The following FMNL2 variants were observed in gnomAD, a reference collection of about 807,000 sequenced individuals.
FMNL2 encodes formin-like protein 2.
In FMNL2, 51 loss-of-function variants were observed where a neutral mutation model predicts 130.2. That is an observed-to-expected ratio of 0.39 (90% confidence interval 0.31 to 0.49). The LOEUF is 0.49. FMNL2 is among the 20% of genes least tolerant of loss of function. FMNL2 has a pLI of 0.85. For synonymous variants in FMNL2, 465 were observed against 467.1 expected, an observed-to-expected ratio of 1.00 and a Z score of 0.06; for missense variants, 977 against 1,316.2, an observed-to-expected ratio of 0.74 and a Z score of 3.99.
intron 1 of FMNL2, among the ~76,000 whole-genome samples, chr2:152,452,971 A>T: frequency 6.6e-6 from 1 of 152,160 alleles, no homozygotes; most frequent in East Asian, 1.9e-4. Context: ...TGGGAGGCCA[A>T]GGTGGGTGGA....
intron 1 of FMNL2, among the ~76,000 whole-genome samples, chr2:152,382,222 C>T (rs1240781953): frequency 6.6e-6 from 1 of 152,120 alleles, no homozygotes; most frequent in Non-Finnish European, 1.5e-5. Flanking sequence ...CCCAAAGAAC[C>T]AACTCACTCG....
At chr2:152,451,745 T>A (rs1448752371) in intron 1 of FMNL2, among the ~76,000 whole-genome samples, 38 of 152,142 alleles carry the variant, frequency 2.5e-4, no homozygotes, top group Admixed American at 2.5e-3. Context: ...TACATTAACA[T>A]AATTAGGTGG....
At chr2:152,593,858 AGAGTGTGTGTGT>A (rs1300399692) in intron 9 of FMNL2, among the ~76,000 whole-genome samples, 6 of 101,516 alleles carry the variant, frequency 5.9e-5, no homozygotes, top group African/African-American at 2.6e-4. Flanking sequence ...AGAGAGAGAG[AGAGTGTGTGTGT>A]GTGTGTGTGT....
rs189492064 is a variant in FMNL2 at position 152,458,395 on chromosome 2, G to A, written c.118-63548G>A. On this transcript the variant is annotated intron_variant, in intron 1 of 25. Transcript: ENST00000288670. ...TTCTGGTTGGATGTGTTTACTCACT[G>A]TTGCCCTTCATTCCCTGTTCTGTTG... Among the ~76,000 whole-genome samples the A allele has an allele frequency of 4.6e-4, 70 of 152,242 alleles. 1 individual carries two copies. In the South Asian group the frequency reaches 9.7e-3, roughly 21 times the overall value.
intron 1 of FMNL2, among the ~76,000 whole-genome samples, chr2:152,465,197 C>G (rs894978069): frequency 6.6e-6 from 1 of 152,230 alleles, no homozygotes; most frequent in African/African-American, 2.4e-5. Context: ...TCCCCTCTGA[C>G]TAGTGGGACA....
chr2:152,552,456 G>A (rs1178399947), intron 4 of FMNL2, among the ~76,000 whole-genome samples: 1 of 152,110 alleles, frequency 6.6e-6, no homozygotes, highest in Admixed American at 6.5e-5. Flanking sequence ...ATTGTTCTGG[G>A]CACATGCTTG....
intron 1 of FMNL2, among the ~76,000 whole-genome samples, chr2:152,353,740 A>G (rs1281437191): frequency 1.3e-5 from 2 of 152,232 alleles, no homozygotes; most frequent in Non-Finnish European, 2.9e-5. Flanking sequence ...GCACCTCACA[A>G]GAAGTGGTTG....
intron 9 of FMNL2, among the ~76,000 whole-genome samples, chr2:152,604,665 G>A (rs576130481): frequency 7.3e-5 from 11 of 151,576 alleles, no homozygotes; most frequent in African/African-American, 1.5e-4. Flanking sequence ...GTATGATCTC[G>A]GCTCACTGCA....
chr2:152,519,369 G>A (rs539945727), intron 1 of FMNL2, among the ~76,000 whole-genome samples: 3 of 152,146 alleles, frequency 2.0e-5, no homozygotes, highest in Non-Finnish European at 4.4e-5. Context: ...TTGTACAGGG[G>A]CAGTGCTCCA....
intron 3 of FMNL2, among the ~76,000 whole-genome samples, chr2:152,543,080 G>A (rs2678301): frequency 0.81 from 123,457 of 152,226 alleles, 50,248 homozygotes; most frequent in East Asian, 0.97. Flanking sequence ...TTCCAATTAC[G>A]TAGGGCAGTG....
chr2:152,596,801 A>G (rs1697795477), intron 9 of FMNL2, among the ~76,000 whole-genome samples: 1 of 152,246 alleles, frequency 6.6e-6, no homozygotes, highest in Non-Finnish European at 1.5e-5. Flanking sequence ...TGTAGATGAA[A>G]TAGAATTATG....
At chr2:152,430,368 A>G (rs1363594401) in intron 1 of FMNL2, among the ~76,000 whole-genome samples, 1 of 152,100 alleles carries the variant, frequency 6.6e-6, no homozygotes, top group Admixed American at 6.6e-5. Flanking sequence ...TCTCTTTATT[A>G]ATGTTCTGTT....
intron 9 of FMNL2, among the ~76,000 whole-genome samples, chr2:152,597,622 AGTAT>A (rs1353058173): frequency 1.3e-5 from 2 of 152,248 alleles, no homozygotes; most frequent in Non-Finnish European, 2.9e-5. Flanking sequence ...TGGCACTGGC[AGTAT>A]TCACTCATTG....
chr2:152,389,895 G>A (rs1685005507), intron 1 of FMNL2: 2 of 1,019,240 alleles, frequency 2.0e-6, no homozygotes, highest in Non-Finnish European at 3.0e-6. Flanking sequence ...GGTGGGAGAA[G>A]AGAACCCGGG....
At chr2:152,544,252 A>G (rs1579926981) in intron 3 of FMNL2, among the ~76,000 whole-genome samples, 1 of 152,224 alleles carries the variant, frequency 6.6e-6, no homozygotes, top group East Asian at 1.9e-4. Context: ...TACTAAAACT[A>G]CAAAAATGAG....
chr2:152,361,832 A>C (rs1272887141), intron 1 of FMNL2, among the ~76,000 whole-genome samples: 1 of 152,172 alleles, frequency 6.6e-6, no homozygotes, highest in African/African-American at 2.4e-5. Context: ...TTTTATATGT[A>C]ATAATGTGGG....
intron 9 of FMNL2, among the ~76,000 whole-genome samples, chr2:152,601,667 C>CTTTTTTTTTTTTT (rs36031692): frequency 2.3e-5 from 3 of 132,238 alleles, no homozygotes; most frequent in Admixed American, 7.6e-5. Flanking sequence ...CTTTTCTTTT[C>CTTTTTTTTTTTTT]TTTCTTTTTT....
chr2:152,522,504 C>CG lies in FMNL2; in HGVS notation c.201+478_201+479insG, dbSNP rs530320779. ...TTTGGCTGTGTCCCCACTCAAATCTCATCTTGAATTCCCACATGTTATGAG... is the reference window on the plus strand; with the variant it reads ...TTTGGCTGTGTCCCCACTCAAATCTCGATCTTGAATTCCCACATGTTATGAG... On this transcript the variant is annotated intron_variant, in intron 2 of 25. Coordinates refer to ENST00000288670, the MANE Select transcript of FMNL2 (RefSeq NM_052905.4). 6.8e-3 allele frequency among the ~76,000 whole-genome samples: 1,031 copies of CG among 152,254 alleles called. 7 individuals are homozygous for CG. The highest frequency in any genetic ancestry group is 0.024 in the African/African-American group (987 of 41,540).
chr2:152,345,265 G>A (rs1335668910), intron 1 of FMNL2, among the ~76,000 whole-genome samples: 2 of 152,062 alleles, frequency 1.3e-5, no homozygotes, highest in Non-Finnish European at 2.9e-5. Flanking sequence ...ATTTTGGTGG[G>A]GAAGGTAAAG....
Sources: gnomAD v4.1 joint callset for allele counts (sites outside exome capture counted in the v4.1 genomes callset) on GRCh38, gnomAD v4.1.1 for gene constraint, MANE v1.5 for transcripts, NCBI Gene and HGNC (gene_info 2026-07-23, HGNC 2026-07-21) for gene names.